The following GRID2 variants were observed in gnomAD, a reference collection of about 807,000 sequenced individuals.
The protein encoded by GRID2 is glutamate ionotropic receptor delta type subunit 2.
Under a neutral mutation model 114.8 loss-of-function variants are expected in GRID2, and 33 were observed. The observed-to-expected ratio is 0.29, with a 90% confidence interval of 0.22 to 0.38. GRID2 has a LOEUF of 0.38. Ranked by LOEUF, GRID2 falls within the 10% of genes least tolerant of loss-of-function variation. GRID2 has a pLI of 1.00. For missense variants in GRID2, 1,184 were observed against 1,257.7 expected, an observed-to-expected ratio of 0.94 and a Z score of 0.89; for synonymous variants, 505 against 449.9, an observed-to-expected ratio of 1.12 and a Z score of -1.55.
intron 1 of GRID2, among the ~76,000 whole-genome samples, chr4:92,444,713 G>A (rs969475635): frequency 1.1e-4 from 17 of 152,096 alleles, no homozygotes; most frequent in African/African-American, 2.7e-4. Flanking sequence ...TTAAATATCC[G>A]TACAGAAGTC....
chr4:93,653,852 G>A (rs1161237438), intron 14 of GRID2, among the ~76,000 whole-genome samples: 1 of 152,200 alleles, frequency 6.6e-6, no homozygotes, highest in African/African-American at 2.4e-5. Flanking sequence ...TGGACAAGCA[G>A]GAGTTAGCAA....
chr4:93,394,535 C>T (rs1765146891), intron 8 of GRID2, among the ~76,000 whole-genome samples: 1 of 151,784 alleles, frequency 6.6e-6, no homozygotes, highest in Non-Finnish European at 1.5e-5. Flanking sequence ...ATGTAGATGA[C>T]TTTGGAAGCT....
chr4:93,195,836 C>T (rs566394817), intron 4 of GRID2, among the ~76,000 whole-genome samples: 37 of 152,252 alleles, frequency 2.4e-4, no homozygotes, highest in Non-Finnish European at 4.4e-4. Context: ...CAATCATAAA[C>T]GCTGACAGAT....
intron 3 of GRID2, among the ~76,000 whole-genome samples, chr4:93,108,948 G>C (rs1732518626): frequency 6.6e-6 from 1 of 152,064 alleles, no homozygotes; most frequent in South Asian, 2.1e-4. Context: ...TATTCTAAAG[G>C]TATATTGGTT....
chr4:93,356,566 A>G (rs1009640552), intron 8 of GRID2, among the ~76,000 whole-genome samples: 1 of 151,908 alleles, frequency 6.6e-6, no homozygotes, highest in African/African-American at 2.4e-5. Flanking sequence ...TAACTCTCCT[A>G]ATCATAAAGG....
At chr4:93,685,517 T>C (rs753693108) in intron 14 of GRID2, among the ~76,000 whole-genome samples, 35 of 152,064 alleles carry the variant, frequency 2.3e-4, no homozygotes, top group South Asian at 8.3e-4. Flanking sequence ...GTAATTTCCA[T>C]AGGAGTAGAG....
chr4:93,612,215 G>A (rs890383993), intron 13 of GRID2, among the ~76,000 whole-genome samples: 3 of 149,396 alleles, frequency 2.0e-5, no homozygotes, highest in Non-Finnish European at 3.0e-5. Flanking sequence ...CTCTGCACGT[G>A]AGATGGGTTT....
chr4:92,577,845 A>G (rs1727970957), intron 1 of GRID2, among the ~76,000 whole-genome samples: 1 of 152,112 alleles, frequency 6.6e-6, no homozygotes, highest in Admixed American at 6.6e-5. Context: ...AAGGAAAAAC[A>G]ATATAAAGAA....
At chr4:93,621,002 G>T (rs1038035714) in intron 13 of GRID2, among the ~76,000 whole-genome samples, 1 of 152,030 alleles carries the variant, frequency 6.6e-6, no homozygotes, top group African/African-American at 2.4e-5. Flanking sequence ...CAACAATTTT[G>T]TACTTGACTT....
intron 2 of GRID2, among the ~76,000 whole-genome samples, chr4:92,852,093 G>T (rs1398368370): frequency 2.0e-5 from 3 of 151,816 alleles, no homozygotes; most frequent in African/African-American, 7.2e-5. Context: ...TTCATTACAG[G>T]CACAATGATA....
chr4:93,783,396 A>G (rs4693340), intron 1 of GRID2, among the ~76,000 whole-genome samples: 47,910 of 152,200 alleles, frequency 0.31, 7,919 homozygotes, highest in Middle Eastern at 0.45. Flanking sequence ...TTTCCTCCTC[A>G]ATGGGCTATT....
At chr4:92,936,604 C>T (rs1750692794) in intron 2 of GRID2, among the ~76,000 whole-genome samples, 1 of 145,768 alleles carries the variant, frequency 6.9e-6, no homozygotes, top group African/African-American at 2.4e-5. Flanking sequence ...TACCAGAAAA[C>T]TTCAACATCA....
At chr4:92,364,600 A>G (rs544293741) in intron 1 of GRID2, among the ~76,000 whole-genome samples, 2 of 152,086 alleles carry the variant, frequency 1.3e-5, no homozygotes, top group African/African-American at 4.8e-5. Context: ...TAGACTTTAA[A>G]GGGTGAATCA....
At chr4:93,467,401 C>G (rs1353108005) in intron 11 of GRID2, among the ~76,000 whole-genome samples, 1 of 152,074 alleles carries the variant, frequency 6.6e-6, no homozygotes, top group Non-Finnish European at 1.5e-5. Flanking sequence ...TTTAAGAAGT[C>G]TGTATTTTAT....
At chr4:92,773,316 GGTTCTA>G (rs1452774687) in intron 2 of GRID2, among the ~76,000 whole-genome samples, 3 of 152,100 alleles carry the variant, frequency 2.0e-5, no homozygotes, top group Non-Finnish European at 2.9e-5. Context: ...TAACAGATTA[GGTTCTA>G]GTTCCCTAAA....
At chr4:93,336,493 T>C (rs538898960) in intron 8 of GRID2, among the ~76,000 whole-genome samples, 1 of 152,302 alleles carries the variant, frequency 6.6e-6, no homozygotes, top group East Asian at 1.9e-4. Context: ...AAACAAGCAA[T>C]GCTTCATCAA....
At chr4:92,669,523 G>A (rs1467236399) in intron 2 of GRID2, among the ~76,000 whole-genome samples, 1 of 151,954 alleles carries the variant, frequency 6.6e-6, no homozygotes, top group Non-Finnish European at 1.5e-5. Flanking sequence ...GGAAACAGCA[G>A]CTGACAGAGC....
chr4:93,504,162 C>G (rs537412237), intron 12 of GRID2, among the ~76,000 whole-genome samples: 46 of 152,080 alleles, frequency 3.0e-4, no homozygotes, highest in African/African-American at 1.1e-3. Context: ...TTGAGCTCCT[C>G]AAAAGATCTT....
In GRID2 at chr4:93,741,192, T is replaced by TATATAC. The variant is rs1259155609; in HGVS notation, c.2361-28013_2361-28012insCATATA. ...ATATATACATATATATATATATATA[T>TATATAC]ATATATATGTATATATATATATATT... On this transcript the variant is annotated intron_variant, in intron 14 of 15. Transcript: ENST00000282020. Among the ~76,000 whole-genome samples, 14 of 29,884 alleles carry TATATAC rather than the reference T, an allele frequency of 4.7e-4. 1 individual carries two copies. The highest frequency in any genetic ancestry group is 8.0e-4 in the Non-Finnish European group (13 of 16,248). The allele number at this position is 29,884 out of a possible 152,430, so 19.6% of individuals were successfully genotyped here. A position where few individuals can be genotyped will look rare whatever the true frequency, so the allele number is the denominator to read the frequency against.
Sources: gnomAD v4.1 joint callset for allele counts (sites outside exome capture counted in the v4.1 genomes callset) on GRCh38, gnomAD v4.1.1 for gene constraint, MANE v1.5 for transcripts, NCBI Gene and HGNC (gene_info 2026-07-23, HGNC 2026-07-21) for gene names.